Variants in PIK3CA observed in about 807,000 individuals in gnomAD.
PIK3CA encodes phosphatidylinositol-4,5-bisphosphate 3-kinase catalytic subunit alpha.
Under a neutral mutation model 138.2 loss-of-function variants are expected in PIK3CA, and 27 were observed. The observed-to-expected ratio is 0.20, with a 90% confidence interval of 0.14 to 0.27. The LOEUF (loss-of-function observed/expected upper bound fraction) is 0.27. PIK3CA is among the 10% of genes least tolerant of loss of function. The pLI is 1.00. For missense variants in PIK3CA, 544 were observed against 1,277.4 expected, an observed-to-expected ratio of 0.43 and a Z score of 8.75; for synonymous variants, 358 against 413.2, an observed-to-expected ratio of 0.87 and a Z score of 1.62.
chr3:179,168,382 T>G (rs911334210), intron 1 of PIK3CA, among the ~76,000 whole-genome samples: 1 of 152,182 alleles, frequency 6.6e-6, no homozygotes, highest in African/African-American at 2.4e-5. Flanking sequence ...GTCAGATAAT[T>G]TTTCTTTTGC....
chr3:179,149,579 A>G (rs1323640302), intron 1 of PIK3CA: 1 of 152,222 alleles, frequency 6.6e-6, no homozygotes, highest in African/African-American at 2.4e-5. Context: ...TCTTTAATGA[A>G]TTAGAGTTGT....
chr3:179,198,503 G>T (rs1175528695), intron 1 of PIK3CA, among the ~76,000 whole-genome samples: 1 of 152,094 alleles, frequency 6.6e-6, no homozygotes, highest in East Asian at 1.9e-4. Context: ...CTCAAATATA[G>T]TGTTTTCTTA....
At chr3:179,171,424 G>A (rs1053066348) in intron 1 of PIK3CA, among the ~76,000 whole-genome samples, 1 of 152,076 alleles carries the variant, frequency 6.6e-6, no homozygotes, top group African/African-American at 2.4e-5. Context: ...AAAGTAAGTA[G>A]AAGAAAGGGA....
rs371631447 is a variant in PIK3CA at position 179,150,485 on chromosome 3, T to C, written c.-77+1882T>C. On this transcript the variant is annotated intron_variant, in intron 1 of 20. Transcript: ENST00000263967. The stretch of plus-strand genomic sequence containing the variant: ...TGAAACACCTGTAAATATAGAAGAG[T>C]GTTTTTATTTAAGGTTAAAAAAATT... Among the ~76,000 whole-genome samples, 1,029 of 152,128 alleles carry C rather than the reference T, an allele frequency of 6.8e-3. 64 individuals carry two copies. In the South Asian group the frequency reaches 0.14, roughly 20 times the overall value.
chr3:179,187,190 A>G (rs1327955172), intron 1 of PIK3CA, among the ~76,000 whole-genome samples: 1 of 152,090 alleles, frequency 6.6e-6, no homozygotes, highest in Non-Finnish European at 1.5e-5. Flanking sequence ...TGAAACAGTA[A>G]GTTCTGTTTC....
At chr3:179,190,514 T>C (rs900025502) in intron 1 of PIK3CA, among the ~76,000 whole-genome samples, 1 of 152,182 alleles carries the variant, frequency 6.6e-6, no homozygotes, top group Non-Finnish European at 1.5e-5. Context: ...AATAAGACCA[T>C]TGAATTATTA....
At position 179,230,982 on chromosome 3, in the gene PIK3CA, G is replaced by C. The variant is rs6769508; in HGVS notation, c.2936+606G>C. On this transcript the variant is annotated intron_variant, in intron 20 of 20. Coordinates refer to ENST00000263967, the MANE Select transcript of PIK3CA (RefSeq NM_006218.4). This position sits in a 1 kb window ranked among gnomAD's most constrained non-coding sequence, Gnocchi z 5.4. ...TTTATCCCTCACTGTTCTTCCCACCGTCTCCCATCTGAGTCTCTGTAGTCC... is the reference window on the plus strand; with the variant it reads ...TTTATCCCTCACTGTTCTTCCCACCCTCTCCCATCTGAGTCTCTGTAGTCC... Among the ~76,000 whole-genome samples, 36,657 of 151,744 alleles carry C rather than the reference G, an allele frequency of 0.24. 5,188 individuals are homozygous for C. The highest frequency in any genetic ancestry group is 0.39 in the African/African-American group (16,187 of 41,346).
At chr3:179,169,040 C>T (rs1056063065) in intron 1 of PIK3CA, 3 of 152,008 alleles carry the variant, frequency 2.0e-5, no homozygotes, top group Admixed American at 6.6e-5. Flanking sequence ...TATTTTCCCA[C>T]GTCAACAATC....
chr3:179,216,513 A>G (rs894649689), intron 9 of PIK3CA, among the ~76,000 whole-genome samples: 31 of 152,342 alleles, frequency 2.0e-4, no homozygotes, highest in African/African-American at 7.5e-4. Flanking sequence ...AAAAGATGAT[A>G]TAGAAATAAA....
intron 6 of PIK3CA, among the ~76,000 whole-genome samples, chr3:179,207,401 T>C (rs1015364060): frequency 5.9e-5 from 9 of 152,198 alleles, no homozygotes; most frequent in African/African-American, 2.2e-4. Context: ...TGCTTTATTT[T>C]GTTAGCATAG....
At chr3:179,229,543 T>C in intron 18 of PIK3CA, 101 bp downstream of exon 18, 5 of 776,142 alleles carry the variant, frequency 6.4e-6, no homozygotes, top group Non-Finnish European at 9.7e-6. Flanking sequence ...AGAAAACAAT[T>C]GTACTTTCTA....
chr3:179,232,147 G>A (rs1487165993), intron 20 of PIK3CA, among the ~76,000 whole-genome samples: 3 of 151,880 alleles, frequency 2.0e-5, no homozygotes, highest in African/African-American at 7.3e-5. Context: ...TGTTTTTGTC[G>A]CATTTGCTTT....
chr3:179,216,660 T>C (rs1305242079), intron 9 of PIK3CA, among the ~76,000 whole-genome samples: 1 of 152,174 alleles, frequency 6.6e-6, no homozygotes, highest in Non-Finnish European at 1.5e-5. Flanking sequence ...TTTGACAATG[T>C]AGTTTCTAGT....
In PIK3CA at chr3:179,150,255, C is replaced by A. The variant is rs140501532; in HGVS notation, c.-77+1652C>A. Reference sequence around the variant, plus strand: ...CACATTTTGGGACAAAATAAAACTTCATAGCTTTTTTCAAAAGTTTCTTGT... The same window carrying A: ...CACATTTTGGGACAAAATAAAACTTAATAGCTTTTTTCAAAAGTTTCTTGT... On this transcript the variant is annotated intron_variant, in intron 1 of 20. Coordinates refer to ENST00000263967, the MANE Select transcript of PIK3CA (RefSeq NM_006218.4). Among the ~76,000 whole-genome samples, 410 of 149,728 alleles carry A rather than the reference C, an allele frequency of 2.7e-3. 7 individuals carry two copies. The highest frequency in any genetic ancestry group is 0.023 in the Admixed American group (349 of 15,208).
intron 1 of PIK3CA, among the ~76,000 whole-genome samples, chr3:179,189,385 A>G (rs1440532191): frequency 1.3e-5 from 2 of 152,198 alleles, no homozygotes; most frequent in Non-Finnish European, 2.9e-5. Flanking sequence ...GTTTCTCTTT[A>G]TAAAATACAA....
chr3:179,203,324 C>T (rs529779639), intron 4 of PIK3CA, among the ~76,000 whole-genome samples: 4 of 152,128 alleles, frequency 2.6e-5, no homozygotes, highest in African/African-American at 9.6e-5. Flanking sequence ...TTTTTTCTTT[C>T]GTGCAATTTA....
chr3:179,194,719 ACT>A (rs1401897181), intron 1 of PIK3CA, among the ~76,000 whole-genome samples: 2 of 151,406 alleles, frequency 1.3e-5, no homozygotes, highest in South Asian at 2.1e-4. Flanking sequence ...CTTTATACAC[ACT>A]CTCTTGTGGC....
intron 1 of PIK3CA, among the ~76,000 whole-genome samples, chr3:179,184,042 C>A (rs1423488653): frequency 6.6e-6 from 1 of 152,190 alleles, no homozygotes; most frequent in Non-Finnish European, 1.5e-5. Context: ...GCACATACTA[C>A]TAAAATTAGG....
intron 6 of PIK3CA, among the ~76,000 whole-genome samples, chr3:179,205,813 TTA>T (rs1184236760): frequency 1.3e-5 from 2 of 152,176 alleles, no homozygotes; most frequent in Admixed American, 1.3e-4. Flanking sequence ...TTATTGGACT[TTA>T]TGATAAAATA....
Sources: gnomAD v4.1 joint callset for allele counts (sites outside exome capture counted in the v4.1 genomes callset) on GRCh38, gnomAD v4.1.1 for gene constraint, Gnocchi (gnomAD v3.1) non-coding constraint, MANE v1.5 for transcripts, NCBI Gene and HGNC (gene_info 2026-07-23, HGNC 2026-07-21) for gene names.